The following CPA6 variants were observed in gnomAD, a reference collection of about 807,000 sequenced individuals.
The protein encoded by CPA6 is carboxypeptidase A6.
A neutral mutation model predicts 63.3 loss-of-function variants in CPA6; 58 were observed. That is an observed-to-expected ratio of 0.92 (90% CI 0.74 to 1.14). CPA6 has a LOEUF of 1.14. Ranked by LOEUF, CPA6 falls within the 50% of genes most tolerant of loss-of-function variation. The pLI, the probability that CPA6 is intolerant of heterozygous loss-of-function variation, is 0.00. For synonymous variants in CPA6, 185 were observed against 179.0 expected, an observed-to-expected ratio of 1.03 and a Z score of -0.27; for missense variants, 565 against 526.6, an observed-to-expected ratio of 1.07 and a Z score of -0.71.
chr8:67,716,597 C>T (rs965690186), intron 1 of CPA6, among the ~76,000 whole-genome samples: 1 of 152,178 alleles, frequency 6.6e-6, no homozygotes, highest in African/African-American at 2.4e-5. Context: ...CAAAGATGAA[C>T]AGAAGAATGG....
chr8:67,696,065 A>AC (rs1293912400), intron 1 of CPA6, among the ~76,000 whole-genome samples: 3 of 152,186 alleles, frequency 2.0e-5, no homozygotes, highest in African/African-American at 7.2e-5. Flanking sequence ...AACGGGAGTT[A>AC]CAGTCTAGGC....
chr8:67,616,155 G>A (rs1426571200), intron 2 of CPA6, among the ~76,000 whole-genome samples: 1 of 152,198 alleles, frequency 6.6e-6, no homozygotes, highest in Non-Finnish European at 1.5e-5. Flanking sequence ...CCTCACCTGA[G>A]CAACTGAGTC....
rs563741879 is a variant in CPA6 at position 67,590,179 on chromosome 8, T to C, written c.192+33997A>G. Reference sequence around the variant, plus strand: ...CTTGCCATAGTTTACTGAGAATGATTATTTCCAATTTCATCCATGTCCCTA... The same window carrying C: ...CTTGCCATAGTTTACTGAGAATGATCATTTCCAATTTCATCCATGTCCCTA... On this transcript the variant is annotated intron_variant, in intron 2 of 10. Coordinates refer to ENST00000297770, the MANE Select transcript of CPA6 (RefSeq NM_020361.5). 3.3e-5 allele frequency among the ~76,000 whole-genome samples: 5 copies of C among 152,148 alleles called. No individual in the cohort carries two copies. The East Asian group carries it at 9.7e-4, about 30-fold the overall frequency.
At chr8:67,633,613 G>T (rs1266619112) in intron 1 of CPA6, among the ~76,000 whole-genome samples, 1 of 151,448 alleles carries the variant, frequency 6.6e-6, no homozygotes, top group South Asian at 2.1e-4. Context: ...CCAGGGAGGC[G>T]GAGCTTGCAG....
chr8:67,540,179 T>C (rs1172972995), intron 2 of CPA6, among the ~76,000 whole-genome samples: 1 of 148,456 alleles, frequency 6.7e-6, no homozygotes, highest in African/African-American at 2.5e-5. Context: ...CTTTGGATGG[T>C]TTTTTTTTTC....
chr8:67,520,240 A>G (rs765373030), intron 2 of CPA6, among the ~76,000 whole-genome samples: 1 of 152,114 alleles, frequency 6.6e-6, no homozygotes, highest in African/African-American at 2.4e-5. Flanking sequence ...TATAAGTGCT[A>G]TTTTCTGGGG....
At chr8:67,647,154 C>T (rs909764640) in intron 1 of CPA6, among the ~76,000 whole-genome samples, 31 of 151,894 alleles carry the variant, frequency 2.0e-4, no homozygotes, top group Admixed American at 1.9e-3. Context: ...AGAGGGAGAA[C>T]CAACAGGGTC....
chr8:67,660,496 A>ATTTTTTTTTTTT (rs5892089), intron 1 of CPA6, among the ~76,000 whole-genome samples: 3 of 78,922 alleles, frequency 3.8e-5, no homozygotes, highest in South Asian at 5.2e-4. Flanking sequence ...TGCCCGGCTC[A>ATTTTTTTTTTTT]TTTTTTTTTT....
At chr8:67,660,496 A>AT (rs5892089) in intron 1 of CPA6, among the ~76,000 whole-genome samples, 12,576 of 78,898 alleles carry the variant, frequency 0.16, 1,891 homozygotes, top group African/African-American at 0.23. Flanking sequence ...TGCCCGGCTC[A>AT]TTTTTTTTTT....
chr8:67,513,104 T>A (rs1812075071), intron 3 of CPA6, among the ~76,000 whole-genome samples: 1 of 152,182 alleles, frequency 6.6e-6, no homozygotes. Context: ...TAAGGTGAGG[T>A]GGCTCAAAGC....
At chr8:67,525,273 C>T (rs935378314) in intron 2 of CPA6, among the ~76,000 whole-genome samples, 2 of 152,116 alleles carry the variant, frequency 1.3e-5, no homozygotes, top group Non-Finnish European at 2.9e-5. Context: ...ACAAAAGACC[C>T]TGGAAATTTA....
intron 1 of CPA6, among the ~76,000 whole-genome samples, chr8:67,629,689 C>T (rs1317259591): frequency 6.6e-6 from 1 of 152,128 alleles, no homozygotes; most frequent in Non-Finnish European, 1.5e-5. Flanking sequence ...AACCTCTGTT[C>T]CCAACATGCA....
chr8:67,684,001 G>GTATATATATATATATATATATATATATA (rs3056573), intron 1 of CPA6, among the ~76,000 whole-genome samples: 1 of 116,976 alleles, frequency 8.5e-6, no homozygotes, highest in Non-Finnish European at 1.7e-5. Context: ...ATTTTAAAAT[G>GTATATATATATATATATATATATATATA]TATATATATA....
At position 67,509,628 on chromosome 8, in the gene CPA6, A is replaced by G; in HGVS notation, c.433-10T>C. ...GCATCCAATTTTGAATCTAAGAGCA[A>G]ATAAATAAAAACTATGTTAGACTCT... On this transcript the variant is annotated splice_polypyrimidine_tract_variant and intron_variant, in intron 4 of 10. Transcript: ENST00000297770. The G allele has an allele frequency of 7.1e-7, 1 of 1,412,992 alleles. No individual in the cohort carries two copies. Among genetic ancestry groups the G allele is most frequent in the Non-Finnish European group, 9.9e-7 (1 of 1,008,422 alleles). 87.5% of individuals were successfully genotyped at this position (1,412,992 alleles called of 1,614,324 possible).
intron 6 of CPA6, among the ~76,000 whole-genome samples, chr8:67,485,394 T>G (rs1298983406): frequency 6.6e-6 from 1 of 152,216 alleles, no homozygotes; most frequent in African/African-American, 2.4e-5. Flanking sequence ...TGACATTATC[T>G]TTTCCATGCA....
intron 1 of CPA6, among the ~76,000 whole-genome samples, chr8:67,630,375 GAA>G (rs1470709921): frequency 2.6e-5 from 4 of 152,070 alleles, no homozygotes; most frequent in Non-Finnish European, 4.4e-5. Context: ...AGTACCTAAA[GAA>G]AACCCACACA....
intron 2 of CPA6, among the ~76,000 whole-genome samples, chr8:67,521,907 C>G (rs1285142570): frequency 2.6e-5 from 4 of 152,090 alleles, no homozygotes; most frequent in Non-Finnish European, 5.9e-5. Context: ...GTTTCCTTAA[C>G]TTTCTGGGCC....
intron 2 of CPA6, among the ~76,000 whole-genome samples, chr8:67,565,790 C>G (rs1347277714): frequency 6.6e-6 from 1 of 152,140 alleles, no homozygotes; most frequent in African/African-American, 2.4e-5. Context: ...TTTGTCTCAG[C>G]ACCTTGACTC....
At chr8:67,598,440 T>C (rs1033970905) in intron 2 of CPA6, among the ~76,000 whole-genome samples, 14 of 152,214 alleles carry the variant, frequency 9.2e-5, no homozygotes, top group Non-Finnish European at 1.5e-4. Context: ...ATCATAATAT[T>C]AAAGTTTATA....
Sources: allele counts gnomAD v4.1 joint callset (sites outside exome capture counted in the v4.1 genomes callset), GRCh38; gene constraint gnomAD v4.1.1; transcripts MANE v1.5; gene names NCBI Gene and HGNC (gene_info 2026-07-23, HGNC 2026-07-21).